Variants in C2orf78 observed in about 807,000 individuals in gnomAD.
The protein encoded by C2orf78 is chromosome 2 open reading frame 78, also known as uncharacterized protein C2orf78.
In C2orf78, 12 loss-of-function variants were observed where a neutral mutation model predicts 21.4. The ratio of observed to expected loss-of-function variants is 0.56; its 90% CI spans 0.36 to 0.91. C2orf78 has a LOEUF of 0.91. Ranked by LOEUF, C2orf78 falls within the 40% of genes least tolerant of loss-of-function variation. C2orf78 has a pLI of 0.01. For missense variants in C2orf78, 1,042 were observed against 1,092.4 expected (o/e 0.95, Z 0.65); for synonymous variants, 396 against 413.9 (o/e 0.96, Z 0.52).
exon 2 of C2orf78, chr2:73,813,774 C>G (rs369481277): frequency 1.2e-6 from 2 of 1,614,070 alleles, no homozygotes; most frequent in East Asian, 4.5e-5. Context: ...TGGGATAGTA[C>G]AGCAAGCACA....
Position 73,816,219 on chromosome 2 carries a change from C to T in C2orf78, c.1996C>T (p.Gln666Ter), listed in dbSNP as rs1221447285. The T allele has an allele frequency of 6.2e-7, 1 of 1,613,792 alleles. No individual in the cohort carries two copies. The highest frequency in any genetic ancestry group is 8.5e-7 in the Non-Finnish European group (1 of 1,179,896). Residue 666 changes from glutamine to a stop codon, truncating the protein, a stop_gained, in exon 3 of 3, where the codon CAG (glutamine) becomes TAG (stop). Coordinates refer to ENST00000409561, the Ensembl canonical transcript of C2orf78. LOFTEE classifies it low-confidence loss of function (END_TRUNC). ...AAGCTCAAGCAACACCCAAAACCGCCAGCCATTCCCAGCTCTCAAACCATG... is the reference window on the plus strand; with the variant it reads ...AAGCTCAAGCAACACCCAAAACCGCTAGCCATTCCCAGCTCTCAAACCATG...
intron 1 of C2orf78, among the ~76,000 whole-genome samples, chr2:73,811,733 A>G (rs1293658759): frequency 6.6e-6 from 1 of 152,010 alleles, no homozygotes; most frequent in Non-Finnish European, 1.5e-5. Flanking sequence ...AAGCTATGGG[A>G]ATGTCATTTT....
At chr2:73,812,820 G>T (rs183110129) in intron 1 of C2orf78, among the ~76,000 whole-genome samples, 306 of 152,286 alleles carry the variant, frequency 2.0e-3, no homozygotes, top group African/African-American at 7.2e-3. Flanking sequence ...TGACCTTTTA[G>T]ATTTACCAAT....
chr2:73,809,695 C>T (rs375557823), intron 1 of C2orf78, among the ~76,000 whole-genome samples: 160 of 152,192 alleles, frequency 1.1e-3, no homozygotes, highest in Middle Eastern at 3.4e-3. Flanking sequence ...GAGGATCAGA[C>T]GCTGCTTGAG....
Position 73,808,883 on chromosome 2 carries a change from T to TC in C2orf78, c.98-4593dup, listed in dbSNP as rs1392133392. 2.4e-6 allele frequency: 3 copies of TC among 1,234,268 alleles called. No homozygotes were observed. In the African/African-American group the frequency reaches 4.6e-5, roughly 19 times the overall value. 76.5% of individuals were successfully genotyped at this position (1,234,268 alleles called of 1,614,324 possible). On this transcript the variant is annotated intron_variant, in intron 1 of 2. Transcript: ENST00000409561. ...CCTTCTATCTGCAGTTGATGTTTCT[T>TC]CTTCTCTGACCATGTCAGGTAAAGA...
At chr2:73,816,240 C>A in exon 3 of C2orf78, 2 of 1,613,890 alleles carry the variant, frequency 1.2e-6, no homozygotes, top group Non-Finnish European at 1.7e-6. Context: ...AGCTCTCAAA[C>A]CATGGCTGGA....
intron 1 of C2orf78, among the ~76,000 whole-genome samples, chr2:73,811,908 A>C (rs531903060): frequency 6.6e-6 from 1 of 152,338 alleles, no homozygotes; most frequent in East Asian, 1.9e-4. Flanking sequence ...TAGAAATATG[A>C]ATGAGCATAA....
exon 3 of C2orf78, chr2:73,816,229 C>T: frequency 6.2e-7 from 1 of 1,613,884 alleles, no homozygotes; most frequent in Non-Finnish European, 8.5e-7. Flanking sequence ...CAGCCATTCC[C>T]AGCTCTCAAA....
chr2:73,807,178 T>TAAA (rs1672975204), intron 1 of C2orf78, among the ~76,000 whole-genome samples: 1 of 101,608 alleles, frequency 9.8e-6, no homozygotes, highest in Admixed American at 9.1e-5. Flanking sequence ...AGACTCTGTC[T>TAAA]CAAAAAAAAA....
chr2:73,815,934 G>C, exon 3 of C2orf78: 1 of 1,613,780 alleles, frequency 6.2e-7, no homozygotes, highest in Non-Finnish European at 8.5e-7. Flanking sequence ...CCATGGGCAG[G>C]AAAAGACCAA....
At chr2:73,814,158 C>T (rs763317562) in exon 2 of C2orf78, 4 of 1,610,006 alleles carry the variant, frequency 2.5e-6, no homozygotes, top group Middle Eastern at 3.3e-4. Context: ...AATGTCCTAC[C>T]ACCAGTCTCT....
intron 1 of C2orf78, among the ~76,000 whole-genome samples, chr2:73,809,728 GA>G (rs1673034677): frequency 1.3e-5 from 2 of 152,186 alleles, no homozygotes; most frequent in African/African-American, 4.8e-5. Context: ...AGGCTGCAGT[GA>G]GTCAGGTTCA....
intron 1 of C2orf78, among the ~76,000 whole-genome samples, chr2:73,811,593 A>T (rs1010183231): frequency 6.6e-6 from 1 of 152,226 alleles, no homozygotes; most frequent in African/African-American, 2.4e-5. Flanking sequence ...ACCTAAGAAT[A>T]AAAAGTCAAG....
exon 3 of C2orf78, chr2:73,816,891 C>T (rs947815971): frequency 4.3e-6 from 7 of 1,613,582 alleles, no homozygotes; most frequent in Non-Finnish European, 5.9e-6. Context: ...TCAACAAGAG[C>T]GTGAGAATGC....
chr2:73,813,029 G>A (rs1673119975), intron 1 of C2orf78, among the ~76,000 whole-genome samples: 2 of 152,162 alleles, frequency 1.3e-5, no homozygotes, highest in South Asian at 4.1e-4. Flanking sequence ...CTGTAACCTG[G>A]TAATGATATT....
At chr2:73,817,004 G>T (rs1253034465) in exon 3 of C2orf78, 1 of 1,596,856 alleles carries the variant, frequency 6.3e-7, no homozygotes, top group South Asian at 1.1e-5. Flanking sequence ...AGCTGAGATT[G>T]TTGGTTTTAC....
Position 73,816,633 on chromosome 2 carries a change from GT to G in C2orf78, c.2411del (p.Val804AlafsTer29). The stretch of plus-strand genomic sequence containing the variant: ...TTCAGCCAACCCTACCCAGCCTACT[GT>G]CCCTCAATCTGCTGCTTCTAGGCCA... On this transcript the variant is annotated frameshift_variant, in exon 3 of 3. Coordinates refer to ENST00000409561, the Ensembl canonical transcript of C2orf78. LOFTEE classifies it low-confidence loss of function (END_TRUNC). 6.2e-7 allele frequency: 1 copy of G among 1,613,672 alleles called. No individual in the cohort carries two copies. Among genetic ancestry groups the G allele is most frequent in the Non-Finnish European group, 8.5e-7 (1 of 1,179,722 alleles).
At chr2:73,808,614 T>G (rs1367469091) in intron 1 of C2orf78, 2 of 151,026 alleles carry the variant, frequency 1.3e-5, no homozygotes, top group African/African-American at 4.9e-5. Context: ...CAATCCTGTC[T>G]TGTGGGGAAT....
chr2:73,797,475 C>CT (rs1672952596), intron 1 of C2orf78, among the ~76,000 whole-genome samples: 1 of 6,424 alleles, frequency 1.6e-4, no homozygotes, highest in Admixed American at 2.0e-3. Context: ...ACATAAATCT[C>CT]TTTTTTCCTG....
Sources: gnomAD v4.1 joint callset for allele counts (sites outside exome capture counted in the v4.1 genomes callset) on GRCh38, gnomAD v4.1.1 for gene constraint, MANE v1.5 for transcripts, NCBI Gene and HGNC (gene_info 2026-07-23, HGNC 2026-07-21) for gene names.